Variants in FHIT observed in about 807,000 individuals in gnomAD.
FHIT encodes fragile histidine triad diadenosine triphosphatase.
FHIT carries 19 observed loss-of-function variants against 17.9 expected under a neutral mutation model. That is an observed-to-expected ratio of 1.06 (90% CI 0.74 to 1.56). The LOEUF (loss-of-function observed/expected upper bound fraction) is 1.56. FHIT is among the 40% of genes most tolerant of loss of function. The probability of loss-of-function intolerance (pLI) is 0.00; values close to 1 mark genes in which losing one functional copy is unlikely to be tolerated. For synonymous variants in FHIT, 81 were observed against 69.7 expected (o/e 1.16, Z -0.81); for missense variants, 248 against 189.2 (o/e 1.31, Z -1.82).
At chr3:60,506,453 T>C (rs187213706) in intron 5 of FHIT, among the ~76,000 whole-genome samples, 48 of 152,352 alleles carry the variant, frequency 3.2e-4, no homozygotes, top group African/African-American at 1.1e-3. Context: ...AGATAATCAT[T>C]TGTCTGAAAA....
chr3:61,142,852 TAGAA>T (rs954515895), intron 2 of FHIT, among the ~76,000 whole-genome samples: 3 of 152,060 alleles, frequency 2.0e-5, no homozygotes, highest in Admixed American at 6.5e-5. Flanking sequence ...GTCTGACACA[TAGAA>T]AGAAAGAAAG....
chr3:60,445,687 C>T (rs1285416574), intron 5 of FHIT, among the ~76,000 whole-genome samples: 1 of 151,796 alleles, frequency 6.6e-6, no homozygotes, highest in African/African-American at 2.4e-5. Flanking sequence ...ACTTGCTTTT[C>T]TTATTTTTCC....
At chr3:60,671,058 T>C (rs1553693691) in intron 4 of FHIT, among the ~76,000 whole-genome samples, 1 of 152,172 alleles carries the variant, frequency 6.6e-6, no homozygotes, top group African/African-American at 2.4e-5. Flanking sequence ...GAATTAAAAA[T>C]GAAGGATGGT....
chr3:60,646,320 G>A (rs1235068478), intron 4 of FHIT, among the ~76,000 whole-genome samples: 1 of 152,050 alleles, frequency 6.6e-6, no homozygotes, highest in Non-Finnish European at 1.5e-5. Flanking sequence ...TTAATATCAA[G>A]TGAGCAAAAT....
chr3:60,635,635 C>T (rs1206732657), intron 4 of FHIT, among the ~76,000 whole-genome samples: 6 of 152,162 alleles, frequency 3.9e-5, no homozygotes, highest in Non-Finnish European at 5.9e-5. Flanking sequence ...TGCTGCCTGG[C>T]TGACTCTTAG....
chr3:61,205,158 T>G (rs2039178807), intron 1 of FHIT, among the ~76,000 whole-genome samples: 1 of 152,142 alleles, frequency 6.6e-6, no homozygotes. Flanking sequence ...AACTCATCAT[T>G]TTTTATGGCT....
At chr3:60,603,578 G>A (rs550593212) in intron 4 of FHIT, among the ~76,000 whole-genome samples, 2 of 151,924 alleles carry the variant, frequency 1.3e-5, no homozygotes, top group South Asian at 4.2e-4. Flanking sequence ...ATTTTTTAAT[G>A]ATGAGCATAA....
intron 3 of FHIT, among the ~76,000 whole-genome samples, chr3:60,933,700 C>A (rs997674241): frequency 6.6e-6 from 1 of 152,160 alleles, no homozygotes; most frequent in Non-Finnish European, 1.5e-5. Flanking sequence ...ACACTAAGAG[C>A]AAGGCTTTTT....
chr3:60,689,587 A>G (rs559334261), intron 4 of FHIT, among the ~76,000 whole-genome samples: 61 of 152,314 alleles, frequency 4.0e-4, no homozygotes, highest in African/African-American at 1.3e-3. Context: ...ATCAGGCTGC[A>G]CATTCTTTTC....
At chr3:59,969,761 A>C (rs1484952082) in intron 7 of FHIT, among the ~76,000 whole-genome samples, 1 of 152,136 alleles carries the variant, frequency 6.6e-6, no homozygotes, top group Non-Finnish European at 1.5e-5. Context: ...CATCTACACT[A>C]ATATTTCCAG....
chr3:60,394,369 T>C (rs1219650888), intron 5 of FHIT, among the ~76,000 whole-genome samples: 1 of 152,190 alleles, frequency 6.6e-6, no homozygotes, highest in Non-Finnish European at 1.5e-5. Context: ...GCCCTGCCTC[T>C]CCTTACTTTC....
chr3:61,016,938 G>A (rs1230612003), intron 3 of FHIT, among the ~76,000 whole-genome samples: 1 of 152,282 alleles, frequency 6.6e-6, no homozygotes, highest in South Asian at 2.1e-4. Flanking sequence ...ACTTGCAAGG[G>A]CAAAATATCA....
chr3:60,663,657 A>C (rs1250343165), intron 4 of FHIT, among the ~76,000 whole-genome samples: 1 of 152,020 alleles, frequency 6.6e-6, no homozygotes, highest in Non-Finnish European at 1.5e-5. Context: ...GGCTGGTCTC[A>C]AACTCTTGAC....
At chr3:60,645,559 G>A (rs956857120) in intron 4 of FHIT, among the ~76,000 whole-genome samples, 4 of 152,138 alleles carry the variant, frequency 2.6e-5, no homozygotes, top group African/African-American at 7.2e-5. Flanking sequence ...TCTCTAAAGA[G>A]ACATCTTCTC....
chr3:61,086,258 T>C (rs757017851), intron 2 of FHIT, among the ~76,000 whole-genome samples: 4 of 152,178 alleles, frequency 2.6e-5, no homozygotes, highest in Non-Finnish European at 5.9e-5. Flanking sequence ...AGAGTCTTTA[T>C]TAAGGATGTT....
At chr3:60,065,057 T>G (rs957201664) in intron 5 of FHIT, among the ~76,000 whole-genome samples, 1 of 152,196 alleles carries the variant, frequency 6.6e-6, no homozygotes, top group African/African-American at 2.4e-5. Context: ...TCAAGTCTCA[T>G]GCCTTGCCCT....
chr3:59,891,703 C>T (rs750119400), intron 8 of FHIT, among the ~76,000 whole-genome samples: 43 of 152,206 alleles, frequency 2.8e-4, no homozygotes, highest in Non-Finnish European at 6.3e-4. Context: ...TGGGCATTCA[C>T]ATAGGGCTAG....
At chr3:59,759,604 T>TATC (rs1701399690) in intron 8 of FHIT, among the ~76,000 whole-genome samples, 2 of 152,220 alleles carry the variant, frequency 1.3e-5, no homozygotes, top group Admixed American at 1.3e-4. Flanking sequence ...GCCTCTCTTC[T>TATC]ATCATTCACT....
At chr3:60,663,931 T>G (rs1384095607) in intron 4 of FHIT, among the ~76,000 whole-genome samples, 1 of 152,182 alleles carries the variant, frequency 6.6e-6, no homozygotes, top group African/African-American at 2.4e-5. Flanking sequence ...ATGTAGACAA[T>G]CATATCATCT....
Sources: allele counts gnomAD v4.1 joint callset (sites outside exome capture counted in the v4.1 genomes callset), GRCh38; gene constraint gnomAD v4.1.1; transcripts MANE v1.5; gene names NCBI Gene and HGNC (gene_info 2026-07-23, HGNC 2026-07-21).